Variants in TCERG1L observed in about 807,000 individuals in gnomAD.
TCERG1L encodes the protein transcription elongation regulator 1-like protein.
Under a neutral mutation model 56.3 loss-of-function variants are expected in TCERG1L, and 37 were observed. That is an observed-to-expected ratio of 0.66 (90% confidence interval 0.51 to 0.87). TCERG1L has a LOEUF of 0.87. TCERG1L is among the 40% of genes least tolerant of loss of function. The pLI, the probability that TCERG1L is intolerant of heterozygous loss-of-function variation, is 0.00. For missense variants in TCERG1L, 799 were observed against 774.2 expected (o/e 1.03, Z -0.38); for synonymous variants, 324 against 326.3 (o/e 0.99, Z 0.08).
intron 8 of TCERG1L, among the ~76,000 whole-genome samples, chr10:131,133,614 G>C (rs1004848591): frequency 2.0e-5 from 3 of 152,138 alleles, no homozygotes; most frequent in African/African-American, 7.2e-5. Context: ...GGGCCCAGCA[G>C]CCACAACATT....
Position 131,203,314 on chromosome 10 carries a change from C to CAA in TCERG1L, c.857-36431_857-36430dup, listed in dbSNP as rs58016777. On this transcript the variant is annotated intron_variant, in intron 4 of 11. Coordinates refer to ENST00000368642, the MANE Select transcript of TCERG1L (RefSeq NM_174937.4). ...TGGGTGACAGAGTGAGACTCCGTCT[C>CAA]AAAAAAAAAAAGACTTCCAGTATGT... is the stretch of plus-strand genomic sequence containing the variant. Among the ~76,000 whole-genome samples, 683 of 117,672 alleles carry CAA rather than the reference C, an allele frequency of 5.8e-3. 28 individuals carry two copies. The highest frequency in any genetic ancestry group is 0.02 in the African/African-American group (619 of 31,644). 77.2% of individuals were successfully genotyped at this position (117,672 alleles called of 152,430 possible). A position where few individuals can be genotyped will look rare whatever the true frequency, so the allele number is the denominator to read the frequency against.
intron 6 of TCERG1L, among the ~76,000 whole-genome samples, chr10:131,159,128 G>C (rs1166882127): frequency 2.0e-5 from 3 of 152,204 alleles, no homozygotes; most frequent in African/African-American, 7.2e-5. Flanking sequence ...TGGGGGCCTC[G>C]GCAGGAAAAG....
intron 3 of TCERG1L, among the ~76,000 whole-genome samples, chr10:131,261,438 G>A (rs1475191636): frequency 1.3e-5 from 2 of 152,018 alleles, no homozygotes; most frequent in Non-Finnish European, 2.9e-5. Flanking sequence ...GGTGTAGAAT[G>A]AGGAGCTAGA....
chr10:131,136,464 C>T (rs1845676217), intron 7 of TCERG1L, among the ~76,000 whole-genome samples: 1 of 151,926 alleles, frequency 6.6e-6, no homozygotes, highest in Admixed American at 6.6e-5. Context: ...GGCTGCTGCC[C>T]CAGGGAGGGG....
chr10:131,109,856 T>A (rs1007157936), intron 9 of TCERG1L, among the ~76,000 whole-genome samples: 2 of 152,240 alleles, frequency 1.3e-5, no homozygotes, highest in African/African-American at 4.8e-5. Context: ...CAGAGCTGGT[T>A]GTTAGAAACG....
At chr10:131,220,807 G>A (rs1370141746) in intron 4 of TCERG1L, among the ~76,000 whole-genome samples, 1 of 152,238 alleles carries the variant, frequency 6.6e-6, no homozygotes, top group African/African-American at 2.4e-5. Context: ...GAGGAAAGGG[G>A]GTGGGGGTGG....
At chr10:131,187,870 A>G (rs1845263114) in intron 4 of TCERG1L, among the ~76,000 whole-genome samples, 1 of 152,226 alleles carries the variant, frequency 6.6e-6, no homozygotes, top group Admixed American at 6.5e-5. Flanking sequence ...CATCCTCTGC[A>G]GAGGGGAGGG....
intron 4 of TCERG1L, among the ~76,000 whole-genome samples, chr10:131,240,592 G>C (rs1845960104): frequency 6.6e-6 from 1 of 152,216 alleles, no homozygotes; most frequent in Admixed American, 6.5e-5. Context: ...TGCTCGAGGT[G>C]CTGGAGACGG....
At chr10:131,120,154 C>T (rs1359716557) in intron 8 of TCERG1L, among the ~76,000 whole-genome samples, 2 of 151,212 alleles carry the variant, frequency 1.3e-5, no homozygotes, top group Non-Finnish European at 3.0e-5. Flanking sequence ...GTTAATGATT[C>T]GTGTGTGTGT....
At chr10:131,147,173 C>T (rs1845804705) in intron 6 of TCERG1L, among the ~76,000 whole-genome samples, 1 of 152,162 alleles carries the variant, frequency 6.6e-6, no homozygotes, top group Admixed American at 6.5e-5. Context: ...TTAGCAACCA[C>T]AGCCCCGGTG....
intron 3 of TCERG1L, 68 bp downstream of exon 3, chr10:131,308,143 T>C (rs1589779856): frequency 1.4e-6 from 2 of 1,383,138 alleles, no homozygotes; most frequent in Non-Finnish European, 2.0e-6. Flanking sequence ...ATGGTTTTCA[T>C]ATCTAAAACT....
intron 4 of TCERG1L, among the ~76,000 whole-genome samples, chr10:131,227,753 A>G (rs1188946661): frequency 6.6e-6 from 1 of 152,208 alleles, no homozygotes; most frequent in Admixed American, 6.5e-5. Context: ...CTTGATTACA[A>G]AACTGATCAC....
rs576204066 is a variant in TCERG1L, at chr10:131,271,932, T to C, written c.671-11488A>G. Among the ~76,000 whole-genome samples the C allele has an allele frequency of 9.8e-5, 15 of 152,360 alleles. No individual in the cohort carries two copies. In the South Asian group the frequency reaches 2.1e-3, roughly 21 times the overall value. On this transcript the variant is annotated intron_variant, in intron 3 of 11. Transcript: ENST00000368642. ...GCTCCAGTGGAAATCCTTCAGGCGCTGTAGCTACCAACTGTACCAGAAATA... is the reference window on the plus strand; with the variant it reads ...GCTCCAGTGGAAATCCTTCAGGCGCCGTAGCTACCAACTGTACCAGAAATA...
chr10:131,099,232 A>G (rs1302862858), intron 10 of TCERG1L, among the ~76,000 whole-genome samples: 1 of 152,230 alleles, frequency 6.6e-6, no homozygotes, highest in African/African-American at 2.4e-5. Context: ...GCCCCAGGGC[A>G]CTTCTCCTGG....
intron 6 of TCERG1L, 76 bp downstream of exon 6, chr10:131,163,046 T>G (rs1845993595): frequency 8.5e-7 from 1 of 1,173,726 alleles, no homozygotes; most frequent in South Asian, 1.6e-5. Flanking sequence ...ATGCAGTGTC[T>G]CTTTGGTGAC....
intron 9 of TCERG1L, 106 bp downstream of exon 9, chr10:131,116,693 G>T: frequency 2.8e-6 from 4 of 1,429,568 alleles, no homozygotes; most frequent in Non-Finnish European, 3.8e-6. Flanking sequence ...CACTCAGCCT[G>T]ATCATGAACT....
In TCERG1L at chr10:131,217,708, CTTTTTTTTTTT is replaced by C. The variant is rs534101797; in HGVS notation, c.856+42540_856+42550del. Among the ~76,000 whole-genome samples, 15 of 79,110 alleles carry C rather than the reference CTTTTTTTTTTT, an allele frequency of 1.9e-4. No homozygotes were observed. The South Asian group carries it at 8.2e-3, about 43-fold the overall frequency. The allele number at this position is 79,110 out of a possible 152,430, so 51.9% of individuals were successfully genotyped here. A position where few individuals can be genotyped will look rare whatever the true frequency, so the allele number is the denominator to read the frequency against. ...AATCTGACCCTACACAGTAGCTGCC[CTTTTTTTTTTT>C]TTTTTTTTTTTTTTTTTTTTGAGAC... On this transcript the variant is annotated intron_variant, in intron 4 of 11. Transcript: ENST00000368642.
intron 6 of TCERG1L, among the ~76,000 whole-genome samples, chr10:131,152,349 T>G (rs2133420629): frequency 6.6e-6 from 1 of 152,314 alleles, no homozygotes; most frequent in East Asian, 1.9e-4. Flanking sequence ...GGCAAAAAGC[T>G]GCCAGTCTCT....
chr10:131,219,175 G>A (rs979027903), intron 4 of TCERG1L, among the ~76,000 whole-genome samples: 3 of 152,170 alleles, frequency 2.0e-5, no homozygotes, highest in South Asian at 4.1e-4. Flanking sequence ...CCATGTCTCA[G>A]CCTGGCTGCC....
Sources: allele counts gnomAD v4.1 joint callset (sites outside exome capture counted in the v4.1 genomes callset), GRCh38; gene constraint gnomAD v4.1.1; transcripts MANE v1.5; gene names NCBI Gene and HGNC (gene_info 2026-07-23, HGNC 2026-07-21).